The following DUSP9 variants were observed in gnomAD, a reference collection of about 807,000 sequenced individuals.
The protein encoded by DUSP9 is dual specificity phosphatase 9.
DUSP9 carries 4 observed loss-of-function variants against 13.2 expected under a neutral mutation model. The ratio of observed to expected loss-of-function variants is 0.30; its 90% CI spans 0.15 to 0.69. DUSP9 has a LOEUF of 0.69. DUSP9 is among the 30% of genes least tolerant of loss of function. The pLI, the probability that DUSP9 is intolerant of heterozygous loss-of-function variation, is 0.73. For missense variants in DUSP9, 263 were observed against 355.0 expected (o/e 0.74, Z 2.08); for synonymous variants, 166 against 172.3 (o/e 0.96, Z 0.29).
upstream of DUSP9, among the ~76,000 whole-genome samples, chrX:153,644,478 G>A (rs1557035265): frequency 9.2e-6 from 1 of 108,330 alleles, no homozygotes; most frequent in African/African-American, 3.3e-5. Flanking sequence ...GCTACAGGGG[G>A]CCTGAGTGGG....
At position 153,650,305 on chromosome X, in the gene DUSP9, G is replaced by A; in HGVS notation, c.1155G>A (p.Ter385=). 8.6e-7 allele frequency: 1 copy of A among 1,168,533 alleles called. No homozygotes were observed. The highest frequency in any genetic ancestry group is 3.0e-5 in the East Asian group (1 of 33,083). Residue 385 remains the stop codon, a stop_retained_variant, in exon 4 of 4, where the codon TAG becomes TAA. Coordinates refer to ENST00000342782, the MANE Select transcript of DUSP9 (RefSeq NM_001318503.2). The part of the protein sequence containing the change: ...SDGAFELAPT[*] ...GCGCCTTCGAGCTGGCCCCCACCTA[G>A]GGCCCCGTGGCCGGCAGGCCGGCCC...
At chrX:153,649,737 C>G (rs1431126734) in intron 3 of DUSP9, 50 bp downstream of exon 3, 2 of 1,041,926 alleles carry the variant, frequency 1.9e-6, no homozygotes, top group African/African-American at 3.8e-5. Context: ...AAGGCCTGCT[C>G]TGGCCTCCCC....
In DUSP9 at chrX:153,650,875, T is replaced by C. The variant is rs1259321558; in HGVS notation, c.*570T>C. On this transcript the variant is annotated 3_prime_UTR_variant, in exon 4 of 4. Coordinates refer to ENST00000342782, the MANE Select transcript of DUSP9 (RefSeq NM_001318503.2). Reference sequence around the variant, plus strand: ...CTGTTTTGTTTTTTTTTTTTCCTCTTCCCCCAGATGTCTTGACGGGATCAC... The same window carrying C: ...CTGTTTTGTTTTTTTTTTTTCCTCTCCCCCCAGATGTCTTGACGGGATCAC... The C allele has an allele frequency of 1.8e-5, 2 of 109,927 alleles. No homozygotes were observed. Among genetic ancestry groups the C allele is most frequent in the African/African-American group, 6.6e-5 (2 of 30,129 alleles). The allele number at this position is 109,927 out of a possible 1,213,427, so 9.1% of individuals were successfully genotyped here.
At chrX:153,649,771 C>T in intron 3 of DUSP9, 84 bp downstream of exon 3, 1 of 967,262 alleles carries the variant, frequency 1.0e-6, no homozygotes, top group Non-Finnish European at 1.4e-6. Flanking sequence ...CTCCCAAGCC[C>T]CGCTGCCATT....
Position 153,649,977 on chromosome X carries a change from T to C in DUSP9, c.830-3T>C, listed in dbSNP as rs782137403. 33 of 1,205,673 alleles carry C rather than the reference T, an allele frequency of 2.7e-5. No individual in the cohort carries two copies. The highest frequency in any genetic ancestry group is 3.5e-5 in the African/African-American group (2 of 57,016). On this transcript the variant is annotated splice_region_variant and splice_polypyrimidine_tract_variant and intron_variant, in intron 3 of 3. Transcript: ENST00000342782. ...CTCCCGGGCCCTTTCCTGCCCCATC[T>C]AGATGAGGCCTTGTCCCAGAACTGC... is the stretch of plus-strand genomic sequence containing the variant.
chrX:153,645,139 A>G (rs1456388821), upstream of DUSP9, among the ~76,000 whole-genome samples: 1 of 112,896 alleles, frequency 8.9e-6, no homozygotes, highest in Non-Finnish European at 1.9e-5. Flanking sequence ...AAAACAGAAG[A>G]CAAAGTCCCT....
chrX:153,646,867 G>A (rs1462699078), upstream of DUSP9, among the ~76,000 whole-genome samples: 4 of 112,803 alleles, frequency 3.5e-5, no homozygotes, highest in African/African-American at 1.3e-4. Context: ...AGGCAGGGGA[G>A]AAGATGCTCC....
rs1557036261 is a variant in DUSP9 at position 153,650,081 on chromosome X, C to A, written c.931C>A (p.Leu311Ile). Residue 311 changes from leucine to isoleucine, a missense_variant, in exon 4 of 4, where the codon CTC becomes ATC. By Grantham distance (5) the Leu-to-Ile change is conservative. Transcript: ENST00000342782. ...TVAYLMQKLH[L>I]SLNDAYDLVK... ...GGCCTACCTCATGCAGAAGCTCCACCTCTCTCTCAACGATGCCTATGACCT... is the reference window on the plus strand; with the variant it reads ...GGCCTACCTCATGCAGAAGCTCCACATCTCTCTCAACGATGCCTATGACCT... 1 of 1,211,765 alleles carries A rather than the reference C, an allele frequency of 8.3e-7. No homozygotes were observed. Among genetic ancestry groups the A allele is most frequent in the Non-Finnish European group, 1.1e-6 (1 of 895,449 alleles).
chrX:153,644,298 G>A (rs1435229250), upstream of DUSP9, among the ~76,000 whole-genome samples: 1 of 99,414 alleles, frequency 1.0e-5, no homozygotes, highest in African/African-American at 3.5e-5. Context: ...GCGGGTGCGG[G>A]GGCGGGGGCG....
upstream of DUSP9, among the ~76,000 whole-genome samples, chrX:153,646,955 C>T (rs1205183695): frequency 8.9e-6 from 1 of 112,724 alleles, no homozygotes; most frequent in African/African-American, 3.2e-5. Flanking sequence ...CCTCCCCCTG[C>T]CTCCCGAGGC....
At position 153,649,741 on chromosome X, in the gene DUSP9, C is replaced by T. The variant is rs1177405341; in HGVS notation, c.829+54C>T. ...CTGTCCTCCCCAAGGCCTGCTCTGG[C>T]CTCCCCCTTGTGAGTACTCCTCCCA... On this transcript the variant is annotated intron_variant, in intron 3 of 3. Coordinates refer to ENST00000342782, the MANE Select transcript of DUSP9 (RefSeq NM_001318503.2). 2.7e-5 allele frequency: 24 copies of T among 887,620 alleles called. No homozygotes were observed. The African/African-American group carries it at 4.5e-4, about 17-fold the overall frequency. The allele number at this position is 887,620 out of a possible 1,213,427, so 73.1% of individuals were successfully genotyped here.
At position 153,650,440 on chromosome X, in the gene DUSP9, G is replaced by A. The variant is rs911531459; in HGVS notation, c.*135G>A. On this transcript the variant is annotated 3_prime_UTR_variant, in exon 4 of 4. Coordinates refer to ENST00000342782, the MANE Select transcript of DUSP9 (RefSeq NM_001318503.2). ...CTGGGGGGAGAGCGCAATACCTCACGCGGGCTGCCGTCCTAATCAACGTGC... is the reference window on the plus strand; with the variant it reads ...CTGGGGGGAGAGCGCAATACCTCACACGGGCTGCCGTCCTAATCAACGTGC... 2 of 479,856 alleles carry A rather than the reference G, an allele frequency of 4.2e-6. No homozygotes were observed. Among genetic ancestry groups the A allele is most frequent in the African/African-American group, 2.4e-5 (1 of 41,722 alleles). The allele number at this position is 479,856 out of a possible 1,213,427, so 39.5% of individuals were successfully genotyped here.
chrX:153,648,354 G>A, intron 2 of DUSP9, 28 bp downstream of exon 2: 1 of 1,090,019 alleles, frequency 9.2e-7, no homozygotes, highest in Non-Finnish European at 1.2e-6. Context: ...CTCCTTCCAG[G>A]GGGTTCGGGA....
At chrX:153,649,790 C>A in intron 3 of DUSP9, 103 bp downstream of exon 3, 1 of 936,371 alleles carries the variant, frequency 1.1e-6, no homozygotes. Context: ...TTCCCAGAGC[C>A]AAAAGCCTAG....
Position 153,650,070 on chromosome X carries a change from A to G in DUSP9, c.920A>G (p.Gln307Arg), listed in dbSNP as rs2091207761. The change falls in exon 4 of 4, where the codon CAG (glutamine) becomes CGG (arginine). Residue 307 changes from glutamine (Q) to arginine (R), a missense_variant. By Grantham distance (43) the Gln-to-Arg change is conservative (BLOSUM62 1). Transcript: ENST00000342782. Reference sequence around the variant, plus strand: ...ACCGTCACTGTGGCCTACCTCATGCAGAAGCTCCACCTCTCTCTCAACGAT... The same window carrying G: ...ACCGTCACTGTGGCCTACCTCATGCGGAAGCTCCACCTCTCTCTCAACGAT... ...SVTVTVAYLM[Q>R]KLHLSLNDAY... The G allele has an allele frequency of 8.3e-7, 1 of 1,211,657 alleles. No individual in the cohort carries two copies. Among genetic ancestry groups the G allele is most frequent in the Non-Finnish European group, 1.1e-6 (1 of 895,498 alleles).
At chrX:153,643,816 G>A (rs1173720093), upstream of DUSP9, among the ~76,000 whole-genome samples, 2 of 112,693 alleles carry the variant, frequency 1.8e-5, no homozygotes, top group Non-Finnish European at 3.8e-5. Context: ...GCTCCCTCAG[G>A]CAACAATTGG....
At chrX:153,645,981 T>C (rs1276985038), upstream of DUSP9, among the ~76,000 whole-genome samples, 1 of 112,701 alleles carries the variant, frequency 8.9e-6, no homozygotes, top group Non-Finnish European at 1.9e-5. Context: ...AAATATTTGT[T>C]AGGCCACCGC....
In DUSP9 at chrX:153,650,151, T is replaced by C; in HGVS notation, c.1001T>C (p.Met334Thr). Residue 334 changes from methionine (M) to threonine (T), a missense_variant, in exon 4 of 4, where the codon ATG becomes ACG. Met to Thr is a moderately conservative substitution (Grantham distance 81). Transcript: ENST00000342782. Reference protein sequence around the residue: ...KSNISPNFNFMGQLLDFERSL... With the variant: ...KSNISPNFNFTGQLLDFERSL... Reference sequence around the variant, plus strand: ...AACATCTCCCCCAACTTCAACTTCATGGGGCAGTTGCTGGACTTTGAGCGC... The same window carrying C: ...AACATCTCCCCCAACTTCAACTTCACGGGGCAGTTGCTGGACTTTGAGCGC... The C allele has an allele frequency of 8.2e-7, 1 of 1,212,243 alleles. No homozygotes were observed. The highest frequency in any genetic ancestry group is 1.1e-6 in the Non-Finnish European group (1 of 895,614).
In DUSP9 at chrX:153,649,649, A is replaced by T; in HGVS notation, c.791A>T (p.Asn264Ile). 8.3e-7 allele frequency: 1 copy of T among 1,211,069 alleles called. No homozygotes were observed. The change falls in exon 3 of 4, where the codon AAC becomes ATC. Residue 264 changes from asparagine to isoleucine, a missense_variant. Coordinates refer to ENST00000342782, the MANE Select transcript of DUSP9 (RefSeq NM_001318503.2). ...CCCATCTCCGACCACTGGAGCCAGAACCTGTCGCGGTTCTTTCCGGAGGCC... is the reference window on the plus strand; with the variant it reads ...CCCATCTCCGACCACTGGAGCCAGATCCTGTCGCGGTTCTTTCCGGAGGCC... ...QIPISDHWSQ[N>I]LSRFFPEAIE... is the part of the protein sequence containing the mutation.
Sources: gnomAD v4.1 joint callset for allele counts (sites outside exome capture counted in the v4.1 genomes callset) on GRCh38, gnomAD v4.1.1 for gene constraint, MANE v1.5 for transcripts, NCBI Gene and HGNC (gene_info 2026-07-23, HGNC 2026-07-21) for gene names.